TSHZ2: variants seen among roughly 807,000 people sequenced by gnomAD.
TSHZ2 encodes the protein teashirt zinc finger homeobox 2, also known as teashirt homolog 2.
A neutral mutation model predicts 74.4 loss-of-function variants in TSHZ2; 21 were observed. That is an observed-to-expected ratio of 0.28 (90% CI 0.20 to 0.41). TSHZ2 has a LOEUF of 0.41. TSHZ2 is among the 10% of genes least tolerant of loss of function. TSHZ2 has a pLI of 1.00. For missense variants in TSHZ2, 1,244 were observed against 1,293.5 expected, an observed-to-expected ratio of 0.96 and a Z score of 0.59; for synonymous variants, 540 against 515.3, an observed-to-expected ratio of 1.05 and a Z score of -0.65.
chr20:53,032,259 C>G (rs1057321914), intron 1 of TSHZ2, among the ~76,000 whole-genome samples: 8 of 152,188 alleles, frequency 5.3e-5, no homozygotes, highest in Non-Finnish European at 1.2e-4. Context: ...ACGTTTATAG[C>G]TGACGAGTTC....
chr20:53,323,322 A>G (rs900501448), intron 2 of TSHZ2, among the ~76,000 whole-genome samples: 1 of 152,186 alleles, frequency 6.6e-6, no homozygotes, highest in African/African-American at 2.4e-5. Flanking sequence ...TCCTTGGTTC[A>G]CAAGGTGACA....
At chr20:53,159,686 A>G (rs527768681) in intron 1 of TSHZ2, among the ~76,000 whole-genome samples, 19 of 151,942 alleles carry the variant, frequency 1.3e-4, no homozygotes, top group African/African-American at 4.6e-4. Flanking sequence ...TTAAGTGACC[A>G]AAGTCAATAA....
At chr20:53,453,635 C>T (rs947794027) in intron 2 of TSHZ2, among the ~76,000 whole-genome samples, 14 of 152,172 alleles carry the variant, frequency 9.2e-5, no homozygotes, top group African/African-American at 3.1e-4. Flanking sequence ...TGAAGATTAA[C>T]GTAGGGAGCC....
intron 2 of TSHZ2, among the ~76,000 whole-genome samples, chr20:53,312,571 C>T (rs928465562): frequency 2.0e-5 from 3 of 152,086 alleles, no homozygotes; most frequent in African/African-American, 7.2e-5. Context: ...TGGCACCAGT[C>T]GCTCTATCTC....
At chr20:53,130,769 G>A (rs898634092) in intron 1 of TSHZ2, among the ~76,000 whole-genome samples, 3 of 152,228 alleles carry the variant, frequency 2.0e-5, no homozygotes, top group Admixed American at 1.3e-4. Flanking sequence ...CCCAGGCCCT[G>A]AATTCATCGG....
At chr20:53,328,926 G>A (rs1979604115) in intron 2 of TSHZ2, among the ~76,000 whole-genome samples, 1 of 151,998 alleles carries the variant, frequency 6.6e-6, no homozygotes, top group Admixed American at 6.6e-5. Flanking sequence ...CCAGTGGCAG[G>A]GTGTGAATAG....
chr20:53,390,601 A>G (rs1230841160), intron 2 of TSHZ2, among the ~76,000 whole-genome samples: 1 of 152,242 alleles, frequency 6.6e-6, no homozygotes, highest in Admixed American at 6.5e-5. Flanking sequence ...GCTCCAATAA[A>G]CATACATGTA....
intron 2 of TSHZ2, among the ~76,000 whole-genome samples, chr20:53,436,545 A>ATTTTTT (rs1430483512): frequency 5.9e-5 from 6 of 101,958 alleles, no homozygotes; most frequent in African/African-American, 1.2e-4. Context: ...TATTATTATT[A>ATTTTTT]TTATTTTTTT....
intron 1 of TSHZ2, among the ~76,000 whole-genome samples, chr20:53,040,459 G>T (rs1289156132): frequency 6.6e-6 from 1 of 152,092 alleles, no homozygotes; most frequent in African/African-American, 2.4e-5. Context: ...GAAGGGTTTT[G>T]AGCCAAGGGG....
chr20:53,384,363 A>G (rs959531315), intron 2 of TSHZ2, among the ~76,000 whole-genome samples: 7 of 152,338 alleles, frequency 4.6e-5, no homozygotes, highest in South Asian at 4.1e-4. Flanking sequence ...GAAGCCATTC[A>G]CTTTTAGCCA....
At chr20:53,152,044 A>G (rs1167700069) in intron 1 of TSHZ2, among the ~76,000 whole-genome samples, 2 of 152,204 alleles carry the variant, frequency 1.3e-5, no homozygotes, top group Admixed American at 6.5e-5. Context: ...CATCTGGTCC[A>G]AGGTTGACAA....
intron 2 of TSHZ2, among the ~76,000 whole-genome samples, chr20:53,332,247 C>T (rs559412256): frequency 6.6e-6 from 1 of 152,268 alleles, no homozygotes; most frequent in East Asian, 1.9e-4. Context: ...TCTGGAATCA[C>T]CTAACAAAAA....
At chr20:53,392,957 C>T (rs1982313805) in intron 2 of TSHZ2, among the ~76,000 whole-genome samples, 1 of 152,158 alleles carries the variant, frequency 6.6e-6, no homozygotes. Flanking sequence ...CCTCAACCTC[C>T]CGAGTAGCTG....
At chr20:53,232,937 A>G (rs376435220) in intron 1 of TSHZ2, among the ~76,000 whole-genome samples, 28 of 152,256 alleles carry the variant, frequency 1.8e-4, no homozygotes, top group African/African-American at 6.3e-4. Context: ...GCCATGACAC[A>G]CTGCTCTCCT....
chr20:53,034,070 G>T (rs992489279), intron 1 of TSHZ2, among the ~76,000 whole-genome samples: 1 of 152,098 alleles, frequency 6.6e-6, no homozygotes, highest in Non-Finnish European at 1.5e-5. Context: ...AATACTTCTC[G>T]AATGAATCAA....
intron 2 of TSHZ2, among the ~76,000 whole-genome samples, chr20:53,408,510 A>C (rs1042631752): frequency 1.9e-4 from 29 of 152,250 alleles, no homozygotes; most frequent in African/African-American, 6.5e-4. Context: ...CTATGTGTAC[A>C]TAAGAGTGAT....
intron 2 of TSHZ2, among the ~76,000 whole-genome samples, chr20:53,277,547 C>T (rs1225834673): frequency 6.6e-6 from 1 of 152,102 alleles, no homozygotes; most frequent in East Asian, 1.9e-4. Flanking sequence ...AGGATGTATG[C>T]CATCAAAACT....
intron 2 of TSHZ2, among the ~76,000 whole-genome samples, chr20:53,340,415 A>G (rs1005471116): frequency 6.7e-5 from 10 of 150,138 alleles, no homozygotes; most frequent in African/African-American, 2.5e-4. Flanking sequence ...CTAACTCCTG[A>G]CCTCGTGATC....
intron 2 of TSHZ2, among the ~76,000 whole-genome samples, chr20:53,441,590 A>G (rs1600641955): frequency 8.3e-6 from 1 of 121,098 alleles, no homozygotes; most frequent in South Asian, 2.6e-4. Flanking sequence ...CCAGCCTCGT[A>G]TTTTATTTTT....
Sources: allele counts gnomAD v4.1 joint callset (sites outside exome capture counted in the v4.1 genomes callset), GRCh38; gene constraint gnomAD v4.1.1; transcripts MANE v1.5; gene names NCBI Gene and HGNC (gene_info 2026-07-23, HGNC 2026-07-21).